The following HCRTR2 variants were observed in gnomAD, a reference collection of about 807,000 sequenced individuals.
HCRTR2 encodes orexin receptor type 2.
HCRTR2 carries 22 observed loss-of-function variants against 49.0 expected under a neutral mutation model. The observed-to-expected ratio is 0.45, with a 90% confidence interval of 0.32 to 0.64. The LOEUF is 0.64. HCRTR2 is among the 30% of genes least tolerant of loss of function. The pLI, the probability that HCRTR2 is intolerant of heterozygous loss-of-function variation, is 0.04. For synonymous variants in HCRTR2, 236 were observed against 205.3 expected, an observed-to-expected ratio of 1.15 and a Z score of -1.28; for missense variants, 491 against 559.4, an observed-to-expected ratio of 0.88 and a Z score of 1.23.
At chr6:55,218,895 C>T (rs1765838716) in intron 1 of HCRTR2, among the ~76,000 whole-genome samples, 1 of 152,202 alleles carries the variant, frequency 6.6e-6, no homozygotes, top group Admixed American at 6.5e-5. Flanking sequence ...ACAATCTCAG[C>T]TCACTGCAAT....
intron 1 of HCRTR2, among the ~76,000 whole-genome samples, chr6:55,198,090 A>G (rs1765449991): frequency 6.6e-6 from 1 of 152,160 alleles, no homozygotes; most frequent in African/African-American, 2.4e-5. Flanking sequence ...AACATAACTC[A>G]AAATGTATCT....
intron 1 of HCRTR2, among the ~76,000 whole-genome samples, chr6:55,117,783 C>CAAAAAAAAA (rs34425786): frequency 1.3e-5 from 1 of 78,308 alleles, no homozygotes; most frequent in African/African-American, 5.1e-5. Context: ...GATAAAGTCT[C>CAAAAAAAAA]AAAAAAAAAA....
chr6:55,167,357 T>A (rs1055882593), intron 1 of HCRTR2, among the ~76,000 whole-genome samples: 4 of 152,162 alleles, frequency 2.6e-5, no homozygotes, highest in Non-Finnish European at 5.9e-5. Flanking sequence ...GAGTTCATTG[T>A]ATGTATATTT....
intron 1 of HCRTR2, among the ~76,000 whole-genome samples, chr6:55,215,530 C>T (rs536293520): frequency 1.8e-4 from 28 of 152,070 alleles, no homozygotes; most frequent in Middle Eastern, 3.4e-3. Context: ...GGAAAAACAA[C>T]GGGATATTAT....
intron 1 of HCRTR2, among the ~76,000 whole-genome samples, chr6:55,142,795 A>G (rs1764525670): frequency 6.6e-6 from 1 of 151,984 alleles, no homozygotes; most frequent in Admixed American, 6.6e-5. Flanking sequence ...CCCATGAATC[A>G]TCTATGTTTA....
rs186511002 is a variant in HCRTR2, at chr6:55,236,154, C to A, written c.224-12485C>A. Among the ~76,000 whole-genome samples, 21 of 152,006 alleles carry A rather than the reference C, an allele frequency of 1.4e-4. No individual in the cohort carries two copies. In the East Asian group the frequency reaches 3.9e-3, roughly 28 times the overall value. ...CCATGAGTAGGGTATATCCCCCTAT[C>A]CATTTAGGTTATTTTTCATATTCCT... On this transcript the variant is annotated intron_variant, in intron 1 of 6. Transcript: ENST00000370862.
chr6:55,197,549 C>T (rs1765439378), intron 1 of HCRTR2, among the ~76,000 whole-genome samples: 1 of 152,178 alleles, frequency 6.6e-6, no homozygotes, highest in African/African-American at 2.4e-5. Context: ...AAACTAACCT[C>T]AGACCTAACT....
At chr6:55,205,868 A>G (rs1279124199) in intron 1 of HCRTR2, among the ~76,000 whole-genome samples, 1 of 152,072 alleles carries the variant, frequency 6.6e-6, no homozygotes, top group Non-Finnish European at 1.5e-5. Flanking sequence ...CTGCTATTAT[A>G]GTTTCCCTAG....
chr6:55,174,827 GC>G lies in HCRTR2; in HGVS notation c.223+18del. 8 of 1,608,636 alleles carry G rather than the reference GC, an allele frequency of 5.0e-6. No individual in the cohort carries two copies. The highest frequency in any genetic ancestry group is 6.0e-6 in the Non-Finnish European group (7 of 1,175,220). ...ACGTCCTGGGTGAGTCTCCTCCCGG[GC>G]AGCCCTCCTAGGGGCTATCACCCCC... On this transcript the variant is annotated intron_variant, in intron 1 of 6. Coordinates refer to ENST00000370862, the MANE Select transcript of HCRTR2 (RefSeq NM_001384272.1).
intron 6 of HCRTR2, among the ~76,000 whole-genome samples, chr6:55,281,893 GTTC>G (rs1462492010): frequency 6.6e-6 from 1 of 152,090 alleles, no homozygotes; most frequent in East Asian, 1.9e-4. Flanking sequence ...ATCTCTGAGA[GTTC>G]TTCTACTGAT....
chr6:55,211,969 T>C (rs1765703784), intron 1 of HCRTR2, among the ~76,000 whole-genome samples: 1 of 152,188 alleles, frequency 6.6e-6, no homozygotes, highest in Non-Finnish European at 1.5e-5. Context: ...GTCCCCTGTT[T>C]AGCACAGGGC....
At chr6:55,110,318 C>A (rs1324516888) in intron 1 of HCRTR2, among the ~76,000 whole-genome samples, 2 of 151,876 alleles carry the variant, frequency 1.3e-5, no homozygotes, top group East Asian at 3.9e-4. Context: ...ACAACAACAA[C>A]AAAAACAAGG....
intron 1 of HCRTR2, among the ~76,000 whole-genome samples, chr6:55,166,980 G>T (rs973054972): frequency 1.8e-4 from 24 of 136,210 alleles, no homozygotes; most frequent in Non-Finnish European, 3.5e-4. Context: ...TTCCAGAATT[G>T]TCAGATCCAC....
chr6:55,131,185 T>G (rs2127246349), intron 1 of HCRTR2, among the ~76,000 whole-genome samples: 1 of 151,924 alleles, frequency 6.6e-6, no homozygotes, highest in African/African-American at 2.4e-5. Flanking sequence ...AGGTCACATC[T>G]TTAGGGATCA....
intron 6 of HCRTR2, 91 bp downstream of exon 6, chr6:55,280,535 G>A: frequency 6.4e-7 from 1 of 1,556,700 alleles, no homozygotes. Context: ...GAGTTTAGTT[G>A]CTATGTGAGT....
chr6:55,115,340 TAATC>T (rs1764101218), intron 1 of HCRTR2, among the ~76,000 whole-genome samples: 1 of 151,778 alleles, frequency 6.6e-6, no homozygotes, highest in Non-Finnish European at 1.5e-5. Context: ...TTTAAAAGAA[TAATC>T]AATCAGGCCA....
intron 4 of HCRTR2, among the ~76,000 whole-genome samples, chr6:55,272,526 CAATAA>C (rs1766992240): frequency 6.6e-6 from 1 of 150,832 alleles, no homozygotes; most frequent in African/African-American, 2.4e-5. Context: ...AATTATATCG[CAATAA>C]AATGTTTTCT....
chr6:55,114,300 T>TA (rs5876424), intron 1 of HCRTR2, among the ~76,000 whole-genome samples: 150,466 of 151,134 alleles, frequency 1, 74,910 homozygotes, highest in Middle Eastern at 1. Context: ...TCATTCAAAT[T>TA]AAAAAAAAGT....
intron 5 of HCRTR2, among the ~76,000 whole-genome samples, chr6:55,278,952 G>T (rs762077827): frequency 3.1e-4 from 47 of 151,468 alleles, no homozygotes; most frequent in South Asian, 1.3e-3. Flanking sequence ...TACGTATTTG[G>T]ATTTCCTGTA....
Sources: gnomAD v4.1 joint callset for allele counts (sites outside exome capture counted in the v4.1 genomes callset) on GRCh38, gnomAD v4.1.1 for gene constraint, MANE v1.5 for transcripts, NCBI Gene and HGNC (gene_info 2026-07-23, HGNC 2026-07-21) for gene names.